The following ARHGAP29 variants were observed in gnomAD, a reference collection of about 807,000 sequenced individuals.
ARHGAP29 encodes the protein Rho GTPase activating protein 29, also known as rho GTPase-activating protein 29.
A neutral mutation model predicts 122.6 loss-of-function variants in ARHGAP29; 43 were observed. The ratio of observed to expected loss-of-function variants is 0.35; its 90% CI spans 0.27 to 0.45. The LOEUF is 0.45. Among genes scored for constraint, ARHGAP29 ranks in the 20% least tolerant of loss-of-function variants. The pLI is 1.00. For missense variants in ARHGAP29, 1,303 were observed against 1,477.2 expected, an observed-to-expected ratio of 0.88 and a Z score of 1.93; for synonymous variants, 506 against 497.1, an observed-to-expected ratio of 1.02 and a Z score of -0.24.
At chr1:94,214,290 C>T (rs762446667) in intron 3 of ARHGAP29, among the ~76,000 whole-genome samples, 1 of 152,200 alleles carries the variant, frequency 6.6e-6, no homozygotes, top group African/African-American at 2.4e-5. Flanking sequence ...TGTACACAAT[C>T]TGTAGTTCAT....
chr1:94,182,882 A>C lies in ARHGAP29; in HGVS notation c.2247+1269T>G, dbSNP rs553928566. ...AGACATGACAGGCATTTCCTCATAA[A>C]AGAGGAGAAGGTGGAAAAGAGATAC... On this transcript the variant is annotated intron_variant, in intron 19 of 22. Coordinates refer to ENST00000260526, the MANE Select transcript of ARHGAP29 (RefSeq NM_004815.4). 2.0e-5 allele frequency among the ~76,000 whole-genome samples: 3 copies of C among 152,284 alleles called. No individual in the cohort carries two copies. The East Asian group carries it at 5.8e-4, about 29-fold the overall frequency.
At chr1:94,259,339 T>A in intron 1 of ARHGAP29, among the ~76,000 whole-genome samples, 1 of 152,226 alleles carries the variant, frequency 6.6e-6, no homozygotes, top group East Asian at 1.9e-4. Flanking sequence ...AGGAAAAGCA[T>A]AGAATTTTTG....
the ARHGAP29 span, among the ~76,000 whole-genome samples, chr1:94,282,151 T>A: frequency 6.6e-6 from 1 of 152,112 alleles, no homozygotes; most frequent in East Asian, 1.9e-4. Flanking sequence ...TCTGATCTTG[T>A]AAGTCTGGAC....
At chr1:94,215,067 T>C (rs936998752) in intron 3 of ARHGAP29, among the ~76,000 whole-genome samples, 1 of 141,772 alleles carries the variant, frequency 7.1e-6, no homozygotes, top group African/African-American at 2.7e-5. Flanking sequence ...CAAAAACCAT[T>C]CAATTAAAAG....
chr1:94,314,007 T>A, the ARHGAP29 span, among the ~76,000 whole-genome samples: 1 of 152,040 alleles, frequency 6.6e-6, no homozygotes. Flanking sequence ...GATAGCATTA[T>A]GAGAAATACC....
At position 94,243,816 on chromosome 1, in the gene ARHGAP29, A is replaced by G. The variant is rs561365405; in HGVS notation, c.-32-12173T>C. ...CTGATCGAGAAATAGAGAAAACACA[A>G]ATCACTAATATGAATGGAAGAAACG... On this transcript the variant is annotated intron_variant and NMD_transcript_variant, in intron 1 of 25. Transcript: ENST00000552844. 6.6e-5 allele frequency among the ~76,000 whole-genome samples: 10 copies of G among 152,206 alleles called. No homozygotes were observed. In the South Asian group the frequency reaches 2.1e-3, roughly 32 times the overall value.
intron 1 of ARHGAP29, among the ~76,000 whole-genome samples, chr1:94,237,028 G>T (rs1653317814): frequency 2.0e-5 from 3 of 152,234 alleles, no homozygotes; most frequent in Admixed American, 1.3e-4. Context: ...CGTGTGAACC[G>T]AGTCGAACAA....
chr1:94,248,680 C>T (rs1653938064), intron 1 of ARHGAP29, among the ~76,000 whole-genome samples: 1 of 152,172 alleles, frequency 6.6e-6, no homozygotes, highest in Non-Finnish European at 1.5e-5. Context: ...AAAACATTGT[C>T]AAAGGAAGAT....
At chr1:94,272,684 G>A (rs1655037605) in intron 1 of ARHGAP29, among the ~76,000 whole-genome samples, 1 of 152,218 alleles carries the variant, frequency 6.6e-6, no homozygotes, top group African/African-American at 2.4e-5. Flanking sequence ...TTGCAGTGCA[G>A]TCTGAGGTTC....
chr1:94,184,766 A>C, intron 18 of ARHGAP29, 106 bp downstream of exon 18: 1 of 984,644 alleles, frequency 1.0e-6, no homozygotes. Context: ...AAACAGAACA[A>C]AACAAAAAAA....
At chr1:94,303,819 A>C in the ARHGAP29 span, among the ~76,000 whole-genome samples, 1 of 152,228 alleles carries the variant, frequency 6.6e-6, no homozygotes, top group African/African-American at 2.4e-5. Context: ...ACTCAAACCC[A>C]CTGCTTAAGT....
intron 19 of ARHGAP29, among the ~76,000 whole-genome samples, chr1:94,182,276 C>CA (rs370160214): frequency 0.015 from 2,193 of 147,744 alleles, 40 homozygotes; most frequent in African/African-American, 0.05. Flanking sequence ...TGTAAGAAAA[C>CA]AAAAAAAAAG....
At chr1:94,181,609 C>G (rs946422266) in intron 19 of ARHGAP29, among the ~76,000 whole-genome samples, 1 of 152,112 alleles carries the variant, frequency 6.6e-6, no homozygotes, top group Non-Finnish European at 1.5e-5. Flanking sequence ...TCCCGAACAG[C>G]CCACCTAGAT....
rs1387962106 is a variant in ARHGAP29, at chr1:94,247,735, G to A, written c.-32-16092C>T. On this transcript the variant is annotated intron_variant and NMD_transcript_variant, in intron 1 of 25. Transcript: ENST00000552844. The stretch of plus-strand genomic sequence containing the variant: ...CACCACCACCACCACAGCGGCCGCC[G>A]CCTTTGCAGCTACCGCCACGGCTGC... 7 of 704,094 alleles carry A rather than the reference G, an allele frequency of 9.9e-6. No homozygotes were observed. The South Asian group carries it at 1.9e-4, about 19-fold the overall frequency. 43.6% of individuals were successfully genotyped at this position (704,094 alleles called of 1,614,324 possible).
the ARHGAP29 span, among the ~76,000 whole-genome samples, chr1:94,298,300 T>A: frequency 6.6e-6 from 1 of 152,234 alleles, no homozygotes; most frequent in Non-Finnish European, 1.5e-5. Flanking sequence ...TTGTACCCAT[T>A]ATAGAAAATA....
chr1:94,276,614 C>T (rs1326867916), upstream of ARHGAP29, among the ~76,000 whole-genome samples: 1 of 151,072 alleles, frequency 6.6e-6, no homozygotes, highest in African/African-American at 2.4e-5. Flanking sequence ...AATCCCATCT[C>T]TACAAAAAAT....
chr1:94,193,021 C>T (rs554882922), intron 12 of ARHGAP29: 2 of 152,104 alleles, frequency 1.3e-5, no homozygotes, highest in Non-Finnish European at 2.9e-5. Context: ...AAATCTACAA[C>T]AACTATTACA....
rs1650973124 is a variant in ARHGAP29 at position 94,203,155 on chromosome 1, C to T, written c.818G>A (p.Ser273Asn). ...FTNALLNDIESSHLLQQTIAA... is the reference protein window; with the variant it reads ...FTNALLNDIENSHLLQQTIAA... ...AATTGTTTGTTGTAAAAGGTGACTG[C>T]TTTCTATATCATTAAGAAGAGCATT... The change falls in exon 9 of 23, where the codon AGC becomes AAC. Residue 273 changes from serine to asparagine, a missense_variant. This residue lies in a region of ARHGAP29 where 592 missense variants were observed against 648.2 expected (regional missense o/e 0.91). Coordinates refer to ENST00000260526, the MANE Select transcript of ARHGAP29 (RefSeq NM_004815.4). 6.2e-7 allele frequency: 1 copy of T among 1,613,402 alleles called. No homozygotes were observed. Among genetic ancestry groups the T allele is most frequent in the Non-Finnish European group, 8.5e-7 (1 of 1,179,774 alleles).
At chr1:94,205,903 C>T (rs1167390077) in intron 5 of ARHGAP29, among the ~76,000 whole-genome samples, 1 of 152,158 alleles carries the variant, frequency 6.6e-6, no homozygotes, top group Admixed American at 6.5e-5. Context: ...GAATGAACAA[C>T]CTCACTGTTG....
Sources: allele counts gnomAD v4.1 joint callset (sites outside exome capture counted in the v4.1 genomes callset), GRCh38; gene constraint gnomAD v4.1.1; regional missense constraint gnomAD v4.1.1; transcripts MANE v1.5; gene names NCBI Gene and HGNC (gene_info 2026-07-23, HGNC 2026-07-21).